The following CHD2 variants were observed in gnomAD, a reference collection of about 807,000 sequenced individuals.
The protein encoded by CHD2 is chromodomain helicase DNA binding protein 2.
CHD2 carries 28 observed loss-of-function variants against 243.9 expected under a neutral mutation model. The observed-to-expected ratio is 0.11, with a 90% CI of 0.09 to 0.16. The LOEUF (loss-of-function observed/expected upper bound fraction) is 0.16. CHD2 is among the 10% of genes least tolerant of loss of function. The pLI, the probability that CHD2 is intolerant of heterozygous loss-of-function variation, is 1.00. For synonymous variants in CHD2, 775 were observed against 779.0 expected (o/e 0.99, Z 0.09); for missense variants, 1,386 against 2,209.8 (o/e 0.63, Z 7.47).
intron 2 of CHD2, among the ~76,000 whole-genome samples, chr15:92,906,131 A>G (rs944238489): frequency 6.6e-6 from 1 of 152,342 alleles, no homozygotes; most frequent in Admixed American, 6.5e-5. Flanking sequence ...CTTGCAGCCA[A>G]TTAAGTTTTT....
rs770352949 is a variant in CHD2, at chr15:93,009,228, G to A, written c.4497G>A (p.Leu1499=). 1 of 1,614,086 alleles carries A rather than the reference G, an allele frequency of 6.2e-7. No homozygotes were observed. Among genetic ancestry groups the A allele is most frequent in the African/African-American group, 1.3e-5 (1 of 74,924 alleles). ...AGGGGCTCAACGTGCAAGAACAGCT[G>A]GAACACACCCGGAACTGCCTGCTGA... is the stretch of plus-strand genomic sequence containing the variant. ...PDKGLNVQEQ[L]EHTRNCLLKI... The change falls in exon 35 of 39, where the codon CTG becomes CTA. Residue 1499 remains leucine, a synonymous_variant. Coordinates refer to ENST00000394196, the MANE Select transcript of CHD2 (RefSeq NM_001271.4).
chr15:92,967,209 G>A (rs1478732250), intron 16 of CHD2, 116 bp from the exon 17 acceptor site: 1 of 700,032 alleles, frequency 1.4e-6, no homozygotes, highest in African/African-American at 1.8e-5. Context: ...CTATTTAAGA[G>A]CTCTAGTGAT....
At position 92,972,402 on chromosome 15, in the gene CHD2, A is replaced by G; in HGVS notation, c.2490A>G (p.Lys830=). 1 of 1,600,830 alleles carries G rather than the reference A, an allele frequency of 6.2e-7. No individual in the cohort carries two copies. Among genetic ancestry groups the G allele is most frequent in the Non-Finnish European group, 8.5e-7 (1 of 1,175,946 alleles). Residue 830 remains lysine (K), a synonymous_variant, in exon 19 of 39, where the codon AAA becomes AAG. Transcript: ENST00000394196. ...LDILAEYLTI[K]HYPFQRLDGS... is the part of the protein sequence containing the mutation. ...TCCTGGCTGAATACCTAACTATTAA[A>G]CACTATCCTTTCCAGGTAAGGTGAT...
rs949834349 is a variant in CHD2 at position 92,991,506 on chromosome 15, C to T, written c.3444C>T (p.Leu1148=). 2.3e-5 allele frequency: 37 copies of T among 1,607,684 alleles called. No homozygotes were observed. Among genetic ancestry groups the T allele is most frequent in the Non-Finnish European group, 3.1e-5 (37 of 1,176,188 alleles). ...RFIKAYKKFG[L]PLERLECIAR... is the part of the protein sequence containing the mutation. ...TCAAGGCTTATAAGAAGTTTGGTCT[C>T]CCTCTTGAACGGTAAGTTCAGTGTA... Residue 1148 remains leucine, a synonymous_variant, in exon 27 of 39, where the codon CTC becomes CTT. Coordinates refer to ENST00000394196, the MANE Select transcript of CHD2 (RefSeq NM_001271.4).
intron 37 of CHD2, 64 bp downstream of exon 37, chr15:93,014,973 C>A (rs1016381343): frequency 1.5e-6 from 2 of 1,352,174 alleles, no homozygotes; most frequent in South Asian, 2.4e-5. Flanking sequence ...ACAGCCGTTT[C>A]ATTTTCCAAA....
chr15:92,952,443 G>T (rs1682690945), intron 13 of CHD2, among the ~76,000 whole-genome samples: 1 of 152,172 alleles, frequency 6.6e-6, no homozygotes, highest in South Asian at 2.1e-4. Flanking sequence ...CCCTGAGTTT[G>T]TTTTTCTGCA....
intron 12 of CHD2, 82 bp from the exon 13 acceptor site, chr15:92,948,870 T>C: frequency 6.8e-7 from 1 of 1,461,934 alleles, no homozygotes; most frequent in Non-Finnish European, 9.3e-7. Context: ...TATGCTTTGA[T>C]GCCGAATATG....
intron 34 of CHD2, 75 bp from the exon 35 acceptor site, chr15:93,009,070 G>T: frequency 6.6e-7 from 1 of 1,510,222 alleles, no homozygotes; most frequent in South Asian, 1.3e-5. Context: ...TGTTTTCATC[G>T]AGAGCACAGT....
intron 9 of CHD2, chr15:92,943,952 A>G (rs952385558): frequency 2.6e-5 from 4 of 152,316 alleles, no homozygotes; most frequent in African/African-American, 4.8e-5. Flanking sequence ...CCTCTGAAAT[A>G]TAATAATTCT....
intron 13 of CHD2, among the ~76,000 whole-genome samples, chr15:92,950,244 C>G (rs1217122520): frequency 6.6e-6 from 1 of 152,148 alleles, no homozygotes; most frequent in Non-Finnish European, 1.5e-5. Flanking sequence ...TAGCAAAAAG[C>G]AAGGGAGCTT....
At chr15:92,904,934 T>G in intron 2 of CHD2, 1 of 1,536,090 alleles carries the variant, frequency 6.5e-7, no homozygotes, top group South Asian at 1.2e-5. Context: ...GGGAAGATTA[T>G]TTGAACTTGT....
intron 2 of CHD2, chr15:92,902,192 A>G (rs1266383734): frequency 2.5e-6 from 1 of 397,866 alleles, no homozygotes; most frequent in Non-Finnish European, 4.4e-6. Context: ...GGAATGCTTT[A>G]TCTTCTGAAG....
chr15:92,903,850 T>C (rs1395012400), intron 2 of CHD2, among the ~76,000 whole-genome samples: 1 of 152,228 alleles, frequency 6.6e-6, no homozygotes, highest in Admixed American at 6.5e-5. Context: ...GAGCCAGATT[T>C]ATTTTTATAA....
At chr15:92,948,201 G>A (rs551432323) in intron 12 of CHD2, among the ~76,000 whole-genome samples, 2 of 152,040 alleles carry the variant, frequency 1.3e-5, no homozygotes, top group Admixed American at 6.5e-5. Flanking sequence ...CCAAATTCAC[G>A]CAATTAAAGG....
At chr15:92,956,737 C>A in intron 16 of CHD2, 88 bp downstream of exon 16, 1 of 1,255,054 alleles carries the variant, frequency 8.0e-7, no homozygotes, top group Non-Finnish European at 1.1e-6. Context: ...TTAGGGAAAA[C>A]AGATGGCATG....
chr15:92,925,503 A>G (rs1250015868), intron 3 of CHD2, among the ~76,000 whole-genome samples: 1 of 152,230 alleles, frequency 6.6e-6, no homozygotes. Context: ...TTGAAGTGAT[A>G]AAACTAGTTG....
At chr15:92,940,235 C>T (rs895487257) in intron 7 of CHD2, among the ~76,000 whole-genome samples, 1 of 152,156 alleles carries the variant, frequency 6.6e-6, no homozygotes, top group Non-Finnish European at 1.5e-5. Flanking sequence ...AGGCAGATTG[C>T]TTGAGCCCAG....
At position 93,027,557 on chromosome 15, in the gene CHD2, G is replaced by A. The variant is rs1426979681; in HGVS notation, c.*2852G>A. 3 of 152,634 alleles carry A rather than the reference G, an allele frequency of 2.0e-5. No individual in the cohort carries two copies. Among genetic ancestry groups the A allele is most frequent in the African/African-American group, 4.8e-5 (2 of 41,458 alleles). 9.5% of individuals were successfully genotyped at this position (152,634 alleles called of 1,614,324 possible). A position where few individuals can be genotyped will look rare whatever the true frequency, so the allele number is the denominator to read the frequency against. ...GCTGTGCTGCAGACATTCTGGCCTG[G>A]TGTGTCTGAAAGTTGCATCAGTCCT... On this transcript the variant is annotated 3_prime_UTR_variant, in exon 39 of 39. Transcript: ENST00000394196.
At chr15:92,944,943 C>CAGT (rs1236980577) in intron 10 of CHD2, 1 of 152,510 alleles carries the variant, frequency 6.6e-6, no homozygotes, top group South Asian at 2.1e-4. Flanking sequence ...GGAAATTTAT[C>CAGT]AGTATTTAGT....
Sources: allele counts gnomAD v4.1 joint callset (sites outside exome capture counted in the v4.1 genomes callset), GRCh38; gene constraint gnomAD v4.1.1; transcripts MANE v1.5; gene names NCBI Gene and HGNC (gene_info 2026-07-23, HGNC 2026-07-21).